The following KBTBD8 variants were observed in gnomAD, a reference collection of about 807,000 sequenced individuals.
The protein encoded by KBTBD8 is kelch repeat and BTB domain containing 8.
A neutral mutation model predicts 53.5 loss-of-function variants in KBTBD8; 31 were observed. The observed-to-expected ratio is 0.58, with a 90% CI of 0.44 to 0.78. KBTBD8 has a LOEUF of 0.78. Ranked by LOEUF, KBTBD8 falls within the 30% of genes least tolerant of loss-of-function variation. KBTBD8 has a pLI of 0.00. For synonymous variants in KBTBD8, 250 were observed against 247.3 expected, an observed-to-expected ratio of 1.01 and a Z score of -0.10; for missense variants, 642 against 735.8, an observed-to-expected ratio of 0.87 and a Z score of 1.48.
At chr3:67,000,947 C>T (rs1254459252) in intron 2 of KBTBD8, among the ~76,000 whole-genome samples, 1 of 151,754 alleles carries the variant, frequency 6.6e-6, no homozygotes, top group African/African-American at 2.4e-5. Flanking sequence ...AGTAACTTTA[C>T]ATAAGTATGA....
chr3:67,008,684 C>G lies in KBTBD8; in HGVS notation c.*299C>G, dbSNP rs954128564. 1 of 323,970 alleles carries G rather than the reference C, an allele frequency of 3.1e-6. No individual in the cohort carries two copies. Among genetic ancestry groups the G allele is most frequent in the Non-Finnish European group, 5.7e-6 (1 of 174,566 alleles). 20.1% of individuals were successfully genotyped at this position (323,970 alleles called of 1,614,324 possible). A position where few individuals can be genotyped will look rare whatever the true frequency, so the allele number is the denominator to read the frequency against. On this transcript the variant is annotated 3_prime_UTR_variant, in exon 4 of 4. Coordinates refer to ENST00000417314, the MANE Select transcript of KBTBD8 (RefSeq NM_032505.3). ...TGAGGTACCAGATGAATCAGGACAA[C>G]TATGCACTCTTATAAGAGCATTTAG...
Position 67,008,876 on chromosome 3 carries a change from G to A in KBTBD8, c.*491G>A, listed in dbSNP as rs956744480. 6.5e-6 allele frequency: 1 copy of A among 154,566 alleles called. No homozygotes were observed. The highest frequency in any genetic ancestry group is 2.4e-5 in the African/African-American group (1 of 41,452). The allele number at this position is 154,566 out of a possible 1,614,324, so 9.6% of individuals were successfully genotyped here. ...AATATTTATATGTATCTATTTTTGT[G>A]TACTGTTTTCAAGTGTACTGAGATT... On this transcript the variant is annotated 3_prime_UTR_variant, in exon 4 of 4. Transcript: ENST00000417314.
chr3:67,007,319 G>GTT (rs35767804), intron 3 of KBTBD8, among the ~76,000 whole-genome samples: 1,505 of 134,340 alleles, frequency 0.011, 30 homozygotes, highest in African/African-American at 0.032. Context: ...TCAAGTTTGT[G>GTT]TTTTTTTTTT....
In KBTBD8 at chr3:67,003,772, G is replaced by C. The variant is rs1349492073; in HGVS notation, c.805G>C (p.Gly269Arg). 6.2e-7 allele frequency: 1 copy of C among 1,614,064 alleles called. No homozygotes were observed. The highest frequency in any genetic ancestry group is 1.1e-5 in the South Asian group (1 of 91,074). The change falls in exon 3 of 4, where the codon GGA becomes CGA. Residue 269 changes from glycine (G) to arginine (R), a missense_variant. By Grantham distance (125) the Gly-to-Arg change is moderately radical. Coordinates refer to ENST00000417314, the MANE Select transcript of KBTBD8 (RefSeq NM_032505.3). ...QAIAKSCVEKGPSNTNGCTQR... is the reference protein window; with the variant it reads ...QAIAKSCVEKRPSNTNGCTQR... Reference sequence around the variant, plus strand: ...TATAGCCAAAAGCTGTGTAGAAAAGGGACCATCCAACACCAATGGCTGTAC... The same window carrying C: ...TATAGCCAAAAGCTGTGTAGAAAAGCGACCATCCAACACCAATGGCTGTAC...
At chr3:67,002,576 C>T (rs1417259767) in intron 2 of KBTBD8, among the ~76,000 whole-genome samples, 2 of 130,594 alleles carry the variant, frequency 1.5e-5, no homozygotes, top group African/African-American at 5.8e-5. Context: ...GCACTCAGCT[C>T]ACTGCAACCT....
At position 67,008,275 on chromosome 3, in the gene KBTBD8, G is replaced by T; in HGVS notation, c.1696G>T (p.Asp566Tyr). The T allele has an allele frequency of 1.9e-6, 3 of 1,613,876 alleles. No homozygotes were observed. The highest frequency in any genetic ancestry group is 2.5e-6 in the Non-Finnish European group (3 of 1,180,024). Residue 566 changes from aspartate to tyrosine, a missense_variant, in exon 4 of 4, where the codon GAC becomes TAC. Physicochemically the swap from Asp to Tyr is radical, Grantham distance 160. Transcript: ENST00000417314. Reference protein sequence around the residue: ...NSLYQYDDIADQWMKVYETPD... With the variant: ...NSLYQYDDIAYQWMKVYETPD... Reference sequence around the variant, plus strand: ...CCTTTACCAATATGATGACATTGCTGACCAGTGGATGAAAGTGTATGAGAC... The same window carrying T: ...CCTTTACCAATATGATGACATTGCTTACCAGTGGATGAAAGTGTATGAGAC...
intron 3 of KBTBD8, among the ~76,000 whole-genome samples, chr3:67,007,580 A>G (rs921465173): frequency 3.3e-5 from 5 of 152,006 alleles, no homozygotes; most frequent in African/African-American, 1.2e-4. Context: ...CAGCCTCCCA[A>G]AGTGCTGGGA....
At chr3:67,004,331 T>C in intron 3 of KBTBD8, 22 bp downstream of exon 3, 2 of 1,598,916 alleles carry the variant, frequency 1.3e-6, no homozygotes, top group Non-Finnish European at 1.7e-6. Context: ...AGTGATTTAG[T>C]TTTTCATGGA....
Position 67,003,731 on chromosome 3 carries a change from C to T in KBTBD8, c.764C>T (p.Pro255Leu), listed in dbSNP as rs138354859. Residue 255 changes from proline (P) to leucine (L), a missense_variant, in exon 3 of 4, where the codon CCT (proline) becomes CTT (leucine). Coordinates refer to ENST00000417314, the MANE Select transcript of KBTBD8 (RefSeq NM_032505.3). Reference sequence around the variant, plus strand: ...GATACCTTTATAGAGAAAATTCCACCTCAGTTTGCACAGGCTATAGCCAAA... The same window carrying T: ...GATACCTTTATAGAGAAAATTCCACTTCAGTTTGCACAGGCTATAGCCAAA... ...MEDTFIEKIP[P>L]QFAQAIAKSC... 8.1e-5 allele frequency: 131 copies of T among 1,614,078 alleles called. No homozygotes were observed. In the African/African-American group the frequency reaches 1.5e-3, roughly 19 times the overall value.
At position 67,003,731 on chromosome 3, in the gene KBTBD8, C is replaced by G. The variant is rs138354859; in HGVS notation, c.764C>G (p.Pro255Arg). ...MEDTFIEKIP[P>R]QFAQAIAKSC... ...GATACCTTTATAGAGAAAATTCCAC[C>G]TCAGTTTGCACAGGCTATAGCCAAA... is the stretch of plus-strand genomic sequence containing the variant. Residue 255 changes from proline (P) to arginine (R), a missense_variant, in exon 3 of 4, where the codon CCT becomes CGT. Physicochemically the swap from Pro to Arg is moderately radical, Grantham distance 103. Coordinates refer to ENST00000417314, the MANE Select transcript of KBTBD8 (RefSeq NM_032505.3). 1.9e-6 allele frequency: 3 copies of G among 1,614,078 alleles called. No homozygotes were observed. In the East Asian group the frequency reaches 6.7e-5, roughly 36 times the overall value.
In KBTBD8 at chr3:66,999,001, A is replaced by G. The variant is rs753102746; in HGVS notation, c.37A>G (p.Thr13Ala). The G allele has an allele frequency of 6.2e-6, 10 of 1,610,018 alleles. No individual in the cohort carries two copies. Among genetic ancestry groups the G allele is most frequent in the South Asian group, 1.1e-5 (1 of 90,478 alleles). ...ASADLSKSSP[T>A]PNGIPSSDPA... ...CCTAGATTTAAGTAAGTCTTCCCCA[A>G]CACCGAATGGGATTCCATCTTCAGA... The change falls in exon 2 of 4, where the codon ACA becomes GCA. Residue 13 changes from threonine to alanine, a missense_variant. Coordinates refer to ENST00000417314, the MANE Select transcript of KBTBD8 (RefSeq NM_032505.3).
intron 2 of KBTBD8, 137 bp downstream of exon 2, chr3:66,999,328 AG>A: frequency 1.3e-6 from 1 of 750,500 alleles, no homozygotes; most frequent in Non-Finnish European, 2.3e-6. Flanking sequence ...CTAGAAAACA[AG>A]TCCTCTCTTA....
At position 66,998,339 on chromosome 3, in the gene KBTBD8, C is replaced by CG. The variant is rs1701980182; in HGVS notation, c.-13dup. 8.0e-7 allele frequency: 1 copy of CG among 1,252,288 alleles called. No homozygotes were observed. Among genetic ancestry groups the CG allele is most frequent in the Non-Finnish European group, 1.0e-6 (1 of 988,198 alleles). 77.6% of individuals were successfully genotyped at this position (1,252,288 alleles called of 1,614,324 possible). On this transcript the variant is annotated 5_prime_UTR_variant, in exon 1 of 4. Transcript: ENST00000417314. ...CATTTCCTTTTTAAATAGCTGGAGTCGGGGCCCCATCGAGAAATGGCCGCG... is the reference window on the plus strand; with the variant it reads ...CATTTCCTTTTTAAATAGCTGGAGTCGGGGGCCCCATCGAGAAATGGCCGCG...
chr3:67,003,134 C>T (rs1182606166), intron 2 of KBTBD8, 61 bp from the exon 3 acceptor site: 2 of 1,493,498 alleles, frequency 1.3e-6, no homozygotes, highest in Non-Finnish European at 1.8e-6. Flanking sequence ...CTTTTAAAAT[C>T]TTGCCACAAT....
At position 67,008,064 on chromosome 3, in the gene KBTBD8, T is replaced by C. The variant is rs145930523; in HGVS notation, c.1485T>C (p.Arg495=). 14 of 1,614,092 alleles carry C rather than the reference T, an allele frequency of 8.7e-6. No individual in the cohort carries two copies. Among genetic ancestry groups the C allele is most frequent in the Non-Finnish European group, 1.2e-5 (14 of 1,179,986 alleles). ...YIAGTCGNHQ[R]MFTVEAYDIE... ...CTGGAACCTGTGGAAATCATCAACG[T>C]ATGTTTACTGTAGAAGCCTATGATA... The change falls in exon 4 of 4, where the codon CGT becomes CGC. Residue 495 remains arginine, a synonymous_variant. Coordinates refer to ENST00000417314, the MANE Select transcript of KBTBD8 (RefSeq NM_032505.3).
At chr3:67,002,689 T>C (rs1291566378) in intron 2 of KBTBD8, among the ~76,000 whole-genome samples, 1 of 151,868 alleles carries the variant, frequency 6.6e-6, no homozygotes, top group African/African-American at 2.4e-5. Flanking sequence ...TTAGTAGAGA[T>C]GGGGTTTCAC....
At chr3:67,006,296 A>C (rs1184977676) in intron 3 of KBTBD8, among the ~76,000 whole-genome samples, 1 of 152,224 alleles carries the variant, frequency 6.6e-6, no homozygotes, top group Admixed American at 6.5e-5. Flanking sequence ...ATACTAAAGC[A>C]AACTAGCAAT....
At position 67,004,267 on chromosome 3, in the gene KBTBD8, C is replaced by T; in HGVS notation, c.1300C>T (p.His434Tyr). The T allele has an allele frequency of 6.2e-7, 1 of 1,614,144 alleles. No homozygotes were observed. Among genetic ancestry groups the T allele is most frequent in the Non-Finnish European group, 8.5e-7 (1 of 1,180,020 alleles). ...CGCGATGCCAGTTGCAATGGAATTT[C>T]ATAATGCTGTGGAGTACAAAGAGAA... is the stretch of plus-strand genomic sequence containing the variant. Reference protein sequence around the residue: ...VCAMPVAMEFHNAVEYKEKIY... With the variant: ...VCAMPVAMEFYNAVEYKEKIY... The change falls in exon 3 of 4, where the codon CAT becomes TAT. Residue 434 changes from histidine to tyrosine, a missense_variant. By Grantham distance (83) the His-to-Tyr change is moderately conservative (BLOSUM62 2). Coordinates refer to ENST00000417314, the MANE Select transcript of KBTBD8 (RefSeq NM_032505.3).
At chr3:67,003,087 T>C (rs1575579345) in intron 2 of KBTBD8, 108 bp from the exon 3 acceptor site, 4 of 1,131,638 alleles carry the variant, frequency 3.5e-6, no homozygotes, top group East Asian at 2.4e-5. Flanking sequence ...TTAGGAAATA[T>C]TCTGTTTCAA....
Sources: gnomAD v4.1 joint callset for allele counts (sites outside exome capture counted in the v4.1 genomes callset) on GRCh38, gnomAD v4.1.1 for gene constraint, MANE v1.5 for transcripts, NCBI Gene and HGNC (gene_info 2026-07-23, HGNC 2026-07-21) for gene names.